The following TNIK variants were observed in gnomAD, a reference collection of about 807,000 sequenced individuals.
TNIK encodes TRAF2 and NCK-interacting protein kinase.
Under a neutral mutation model 191.3 loss-of-function variants are expected in TNIK, and 49 were observed. The observed-to-expected ratio is 0.26, with a 90% CI of 0.20 to 0.32. TNIK has a LOEUF of 0.32. TNIK is among the 10% of genes least tolerant of loss of function. The pLI is 1.00. For synonymous variants in TNIK, 594 were observed against 600.9 expected (o/e 0.99, Z 0.17); for missense variants, 1,155 against 1,702.3 (o/e 0.68, Z 5.66).
At chr3:171,458,330 AC>A (rs1267943627) in intron 1 of TNIK, among the ~76,000 whole-genome samples, 1 of 151,274 alleles carries the variant, frequency 6.6e-6, no homozygotes, top group Non-Finnish European at 1.5e-5. Context: ...TACCAACCCC[AC>A]CCCGCTGCGC....
chr3:171,394,840 T>C (rs1459055973), intron 1 of TNIK, among the ~76,000 whole-genome samples: 1 of 152,236 alleles, frequency 6.6e-6, no homozygotes, highest in Non-Finnish European at 1.5e-5. Flanking sequence ...CCTTTGCCTA[T>C]GAAGCACCTT....
At chr3:171,136,371 C>T (rs182426744) in intron 15 of TNIK, among the ~76,000 whole-genome samples, 39 of 152,306 alleles carry the variant, frequency 2.6e-4, no homozygotes, top group African/African-American at 8.4e-4. Flanking sequence ...CAGTAATGGA[C>T]AACTCGGGGC....
At chr3:171,086,877 C>CT (rs1272142479) in intron 24 of TNIK, among the ~76,000 whole-genome samples, 2 of 152,192 alleles carry the variant, frequency 1.3e-5, no homozygotes, top group African/African-American at 4.8e-5. Flanking sequence ...GATGAACACT[C>CT]TAAGAACTTA....
chr3:171,071,468 G>C (rs1719165482), intron 28 of TNIK, 145 bp from the exon 29 acceptor site: 1 of 676,316 alleles, frequency 1.5e-6, no homozygotes, highest in African/African-American at 1.8e-5. Flanking sequence ...TCCTGGTGTG[G>C]GATTTTTTCA....
chr3:171,413,941 T>C (rs1413386967), intron 1 of TNIK, among the ~76,000 whole-genome samples: 1 of 152,236 alleles, frequency 6.6e-6, no homozygotes, highest in Non-Finnish European at 1.5e-5. Context: ...CCTGGTAATA[T>C]ATAAGTGCTC....
At chr3:171,160,484 C>T (rs1352086399) in intron 11 of TNIK, among the ~76,000 whole-genome samples, 1 of 151,426 alleles carries the variant, frequency 6.6e-6, no homozygotes, top group Admixed American at 6.6e-5. Flanking sequence ...CTCAATGAGT[C>T]TTCTGCTTGT....
intron 2 of TNIK, among the ~76,000 whole-genome samples, chr3:171,293,896 A>C (rs1019616909): frequency 5.3e-5 from 8 of 152,120 alleles, no homozygotes; most frequent in Non-Finnish European, 1.2e-4. Flanking sequence ...CCTGAGCAAC[A>C]CAGCAAGAGC....
intron 2 of TNIK, among the ~76,000 whole-genome samples, chr3:171,282,183 A>C (rs1750505427): frequency 6.6e-6 from 1 of 152,160 alleles, no homozygotes; most frequent in Non-Finnish European, 1.5e-5. Flanking sequence ...TCTTCAAGGC[A>C]TTAGTCCAAG....
intron 2 of TNIK, among the ~76,000 whole-genome samples, chr3:171,277,862 C>T (rs779231810): frequency 3.9e-5 from 6 of 152,198 alleles, no homozygotes; most frequent in Non-Finnish European, 7.3e-5. Flanking sequence ...TATAGCCAAG[C>T]TGACTTTTTA....
chr3:171,404,423 T>C (rs2108584559), intron 1 of TNIK, among the ~76,000 whole-genome samples: 4 of 152,346 alleles, frequency 2.6e-5, no homozygotes, highest in Middle Eastern at 6.8e-3. Flanking sequence ...TTTTTATCAG[T>C]TCATTAATTT....
At chr3:171,382,698 G>A (rs1190737061) in intron 1 of TNIK, among the ~76,000 whole-genome samples, 1 of 152,184 alleles carries the variant, frequency 6.6e-6, no homozygotes, top group African/African-American at 2.4e-5. Flanking sequence ...GATGACTGTG[G>A]AAGCATATGT....
intron 3 of TNIK, among the ~76,000 whole-genome samples, chr3:171,227,528 A>G (rs1020452508): frequency 2.0e-5 from 3 of 152,112 alleles, no homozygotes; most frequent in African/African-American, 7.2e-5. Context: ...TCATATGCAA[A>G]TATCTGTGGT....
intron 1 of TNIK, among the ~76,000 whole-genome samples, chr3:171,422,900 AG>A (rs1364040238): frequency 6.6e-6 from 1 of 152,234 alleles, no homozygotes; most frequent in Non-Finnish European, 1.5e-5. Context: ...TGAACTATGC[AG>A]CCTGTTGCAT....
chr3:171,200,375 C>T (rs1025871118), intron 4 of TNIK, among the ~76,000 whole-genome samples: 1 of 151,790 alleles, frequency 6.6e-6, no homozygotes, highest in African/African-American at 2.4e-5. Context: ...AAAAGAATTG[C>T]TTGGATTATT....
At chr3:171,255,999 CAT>C (rs1489865731) in intron 2 of TNIK, among the ~76,000 whole-genome samples, 2 of 151,928 alleles carry the variant, frequency 1.3e-5, no homozygotes, top group African/African-American at 2.4e-5. Context: ...ACCACAGAAA[CAT>C]ATAGAATTAT....
chr3:171,203,851 C>T (rs888916615), intron 4 of TNIK, among the ~76,000 whole-genome samples: 4 of 152,092 alleles, frequency 2.6e-5, no homozygotes, highest in African/African-American at 9.7e-5. Flanking sequence ...GCAAGTGTAC[C>T]GTGTGAAAAC....
chr3:171,392,536 T>C (rs1056220027), intron 1 of TNIK, among the ~76,000 whole-genome samples: 1 of 151,988 alleles, frequency 6.6e-6, no homozygotes, highest in African/African-American at 2.4e-5. Context: ...TCCCAGCACT[T>C]TGGGAGGCCA....
intron 1 of TNIK, among the ~76,000 whole-genome samples, chr3:171,436,373 T>C (rs1726033694): frequency 6.6e-6 from 1 of 152,248 alleles, no homozygotes; most frequent in Admixed American, 6.5e-5. Context: ...GTATTGAACA[T>C]TTATTGTGTA....
chr3:171,060,183 A>G lies in TNIK; in HGVS notation c.*3698T>C, dbSNP rs1415512505. On this transcript the variant is annotated 3_prime_UTR_variant, in exon 33 of 33. Coordinates refer to ENST00000436636, the MANE Select transcript of TNIK (RefSeq NM_015028.4). ...AGTGACGGGAACTGGTACACATAGT[A>G]GTAGGGAAAGCATTTTTTTAAAAGC... 6.6e-6 allele frequency among the ~76,000 whole-genome samples: 1 copy of G among 152,156 alleles called. No homozygotes were observed. Among genetic ancestry groups the G allele is most frequent in the Non-Finnish European group, 1.5e-5 (1 of 68,022 alleles).
Sources: allele counts gnomAD v4.1 joint callset (sites outside exome capture counted in the v4.1 genomes callset), GRCh38; gene constraint gnomAD v4.1.1; transcripts MANE v1.5; gene names NCBI Gene and HGNC (gene_info 2026-07-23, HGNC 2026-07-21).